NUBPL: variants seen among roughly 807,000 people sequenced by gnomAD.
The protein encoded by NUBPL is NUBP iron-sulfur cluster assembly factor, mitochondrial, also known as iron-sulfur cluster transfer protein NUBPL.
NUBPL carries 31 observed loss-of-function variants against 45.7 expected under a neutral mutation model. That is an observed-to-expected ratio of 0.68 (90% CI 0.51 to 0.92). The LOEUF (loss-of-function observed/expected upper bound fraction) is 0.92, where lower values mean the gene tolerates loss of function less well. Ranked by LOEUF, NUBPL falls within the 40% of genes least tolerant of loss-of-function variation. The pLI is 0.00. For synonymous variants in NUBPL, 144 were observed against 140.9 expected (o/e 1.02, Z -0.15); for missense variants, 401 against 398.7 (o/e 1.01, Z -0.05).
chr14:31,713,350 A>G (rs1318408822), intron 6 of NUBPL, among the ~76,000 whole-genome samples: 1 of 152,086 alleles, frequency 6.6e-6, no homozygotes, highest in Non-Finnish European at 1.5e-5. Flanking sequence ...TATATGTCAG[A>G]TTCCTTGACT....
intron 7 of NUBPL, among the ~76,000 whole-genome samples, chr14:31,815,277 A>G (rs528894250): frequency 1.1e-3 from 161 of 151,846 alleles, no homozygotes; most frequent in Non-Finnish European, 2.0e-3. Flanking sequence ...TTGGATTCCT[A>G]GGTATTTTAT....
At chr14:31,678,163 G>C (rs2036745902) in intron 6 of NUBPL, among the ~76,000 whole-genome samples, 1 of 152,148 alleles carries the variant, frequency 6.6e-6, no homozygotes, top group African/African-American at 2.4e-5. Context: ...TCAGCTCGTG[G>C]TGAAGGTTGT....
intron 6 of NUBPL, among the ~76,000 whole-genome samples, chr14:31,693,592 A>C (rs1276518616): frequency 6.6e-6 from 1 of 152,100 alleles, no homozygotes. Context: ...TAGACTATGC[A>C]TTAACTATAG....
At chr14:31,620,771 T>C (rs980926949) in intron 4 of NUBPL, among the ~76,000 whole-genome samples, 3 of 152,180 alleles carry the variant, frequency 2.0e-5, no homozygotes, top group African/African-American at 4.8e-5. Flanking sequence ...AGGGACCCCC[T>C]TGAGTAGGCA....
At chr14:31,656,853 A>C (rs2036152843) in intron 4 of NUBPL, among the ~76,000 whole-genome samples, 1 of 152,250 alleles carries the variant, frequency 6.6e-6, no homozygotes, top group Non-Finnish European at 1.5e-5. Flanking sequence ...AGGGTTGCAC[A>C]AACCTTTGAT....
chr14:31,724,575 TTATAATAGC>T (rs970815003), intron 6 of NUBPL, among the ~76,000 whole-genome samples: 27 of 152,220 alleles, frequency 1.8e-4, no homozygotes, highest in African/African-American at 5.8e-4. Context: ...CTATTGGTAG[TTATAATAGC>T]TAGCATTGTT....
chr14:31,588,642 C>T (rs117794142), intron 3 of NUBPL, among the ~76,000 whole-genome samples: 9,587 of 151,604 alleles, frequency 0.063, 415 homozygotes, highest in Non-Finnish European at 0.092. Flanking sequence ...CCCGGCTGAG[C>T]GCGGTGGCTC....
chr14:31,771,611 C>T (rs2039010964), intron 6 of NUBPL, among the ~76,000 whole-genome samples: 1 of 152,158 alleles, frequency 6.6e-6, no homozygotes, highest in African/African-American at 2.4e-5. Context: ...TAATCACTCA[C>T]CAACAGCCTA....
At chr14:31,753,867 G>A (rs752178115) in intron 6 of NUBPL, among the ~76,000 whole-genome samples, 7 of 151,952 alleles carry the variant, frequency 4.6e-5, no homozygotes, top group Non-Finnish European at 8.8e-5. Context: ...ATTTGTTTTC[G>A]CCTTCACACC....
intron 6 of NUBPL, among the ~76,000 whole-genome samples, chr14:31,762,115 C>A (rs2038823743): frequency 6.6e-6 from 1 of 152,228 alleles, no homozygotes; most frequent in East Asian, 1.9e-4. Flanking sequence ...GACAAATTTG[C>A]AGGTTCTTCA....
intron 4 of NUBPL, among the ~76,000 whole-genome samples, chr14:31,667,177 C>T (rs550323270): frequency 7.8e-4 from 118 of 152,250 alleles, no homozygotes; most frequent in African/African-American, 2.7e-3. Flanking sequence ...TCATCACTTT[C>T]AGGTACACCA....
chr14:31,757,452 T>G (rs4011635), intron 6 of NUBPL, among the ~76,000 whole-genome samples: 55,938 of 151,570 alleles, frequency 0.37, 12,643 homozygotes, highest in East Asian at 0.6. Flanking sequence ...GTTGAGGAAT[T>G]TATCCATTTC....
chr14:31,783,192 A>G (rs539303865), intron 6 of NUBPL, among the ~76,000 whole-genome samples: 75 of 152,302 alleles, frequency 4.9e-4, no homozygotes, highest in African/African-American at 1.7e-3. Context: ...TGATCTTATT[A>G]TATCTTGCAA....
intron 3 of NUBPL, among the ~76,000 whole-genome samples, chr14:31,592,870 T>C (rs1228988212): frequency 1.3e-5 from 2 of 152,190 alleles, no homozygotes; most frequent in African/African-American, 2.4e-5. Flanking sequence ...AACTACCTAC[T>C]CTTCTAGGTT....
At chr14:31,652,169 A>G (rs1310260537) in intron 4 of NUBPL, among the ~76,000 whole-genome samples, 1 of 152,222 alleles carries the variant, frequency 6.6e-6, no homozygotes, top group Non-Finnish European at 1.5e-5. Flanking sequence ...GCTGGAAGAC[A>G]TTAAGCTTAA....
chr14:31,787,682 C>G lies in NUBPL; in HGVS notation c.514-98C>G, dbSNP rs1430615967. On this transcript the variant is annotated intron_variant, in intron 6 of 10. Transcript: ENST00000281081. ...TACCTAGCAATGGCTCAAGCGATAG[C>G]TATGATTTTATATTTGTTATTAACA... 6.1e-6 allele frequency: 5 copies of G among 826,162 alleles called. No homozygotes were observed. In the African/African-American group the frequency reaches 8.5e-5, roughly 14 times the overall value. The allele number at this position is 826,162 out of a possible 1,614,324, so 51.2% of individuals were successfully genotyped here.
chr14:31,617,310 A>G (rs1263769521), intron 4 of NUBPL, among the ~76,000 whole-genome samples: 2 of 152,132 alleles, frequency 1.3e-5, no homozygotes, highest in Non-Finnish European at 2.9e-5. Flanking sequence ...TTCCAGTACT[A>G]TGTGGAATAG....
At chr14:31,578,612 C>T (rs745695956) in intron 3 of NUBPL, among the ~76,000 whole-genome samples, 2 of 152,200 alleles carry the variant, frequency 1.3e-5, no homozygotes, top group South Asian at 2.1e-4. Flanking sequence ...GAAACTCTCA[C>T]CATGTTCTTG....
intron 4 of NUBPL, among the ~76,000 whole-genome samples, chr14:31,633,939 C>T (rs1378045860): frequency 1.3e-5 from 2 of 151,972 alleles, no homozygotes; most frequent in Admixed American, 6.6e-5. Context: ...TGTCAGTATC[C>T]CACCTGCTTA....
Sources: gnomAD v4.1 joint callset for allele counts (sites outside exome capture counted in the v4.1 genomes callset) on GRCh38, gnomAD v4.1.1 for gene constraint, MANE v1.5 for transcripts, NCBI Gene and HGNC (gene_info 2026-07-23, HGNC 2026-07-21) for gene names.